WNT2B: variants seen among roughly 807,000 people sequenced by gnomAD.
The protein encoded by WNT2B is Wnt family member 2B, also known as protein Wnt-2b.
In WNT2B, 19 loss-of-function variants were observed where a neutral mutation model predicts 40.5. The ratio of observed to expected loss-of-function variants is 0.47; its 90% CI spans 0.33 to 0.69. WNT2B has a LOEUF of 0.69. Among genes scored for constraint, WNT2B ranks in the 30% least tolerant of loss-of-function variants. The pLI, the probability that WNT2B is intolerant of heterozygous loss-of-function variation, is 0.02. For missense variants in WNT2B, 467 were observed against 556.4 expected, an observed-to-expected ratio of 0.84 and a Z score of 1.62; for synonymous variants, 220 against 211.9, an observed-to-expected ratio of 1.04 and a Z score of -0.33.
At chr1:112,499,337 A>C (rs568039461) in intron 1 of WNT2B, among the ~76,000 whole-genome samples, 18 of 152,316 alleles carry the variant, frequency 1.2e-4, no homozygotes, top group South Asian at 1.0e-3. Context: ...TAATACCAAA[A>C]CCAGACAAAG....
intron 1 of WNT2B, among the ~76,000 whole-genome samples, chr1:112,482,689 A>G (rs1478415805): frequency 6.6e-6 from 1 of 152,208 alleles, no homozygotes; most frequent in African/African-American, 2.4e-5. Context: ...TTAAGGAAAC[A>G]ATCCCATTCC....
chr1:112,485,483 G>A (rs1777606), intron 1 of WNT2B, among the ~76,000 whole-genome samples: 45,194 of 150,460 alleles, frequency 0.3, 7,805 homozygotes, highest in African/African-American at 0.47. Flanking sequence ...AAAAGGTTAT[G>A]GTCATGAAGA....
At chr1:112,472,074 G>C (rs918500529) in intron 1 of WNT2B, among the ~76,000 whole-genome samples, 1 of 152,230 alleles carries the variant, frequency 6.6e-6, no homozygotes, top group Non-Finnish European at 1.5e-5. Context: ...AAAAAACTAA[G>C]CATTAAGCCA....
At chr1:112,512,499 G>T (rs1652391809) in intron 1 of WNT2B, among the ~76,000 whole-genome samples, 1 of 152,244 alleles carries the variant, frequency 6.6e-6, no homozygotes, top group Admixed American at 6.5e-5. Context: ...GTAGCAAGGG[G>T]CTAGAGTAGT....
At chr1:112,479,592 A>G (rs1369311240) in intron 1 of WNT2B, among the ~76,000 whole-genome samples, 1 of 152,114 alleles carries the variant, frequency 6.6e-6, no homozygotes, top group African/African-American at 2.4e-5. Context: ...TTTTTTTTCT[A>G]ATGGATATAC....
intron 1 of WNT2B, among the ~76,000 whole-genome samples, chr1:112,480,234 G>T (rs1001503114): frequency 1.3e-5 from 2 of 151,944 alleles, no homozygotes; most frequent in African/African-American, 4.8e-5. Context: ...AGGCGTGGTG[G>T]CAGGCACTTA....
intron 1 of WNT2B, among the ~76,000 whole-genome samples, chr1:112,469,558 A>C (rs1650808202): frequency 6.6e-6 from 1 of 151,342 alleles, no homozygotes. Flanking sequence ...CTACTTAGTT[A>C]AGTTTATTCC....
chr1:112,514,034 C>T (rs1250156673), intron 1 of WNT2B, among the ~76,000 whole-genome samples: 1 of 152,234 alleles, frequency 6.6e-6, no homozygotes, highest in East Asian at 1.9e-4. Flanking sequence ...AATAATGACT[C>T]TGGCAACCCA....
intron 1 of WNT2B, among the ~76,000 whole-genome samples, chr1:112,495,870 C>T (rs1261857499): frequency 1.3e-5 from 2 of 152,164 alleles, no homozygotes; most frequent in Non-Finnish European, 2.9e-5. Flanking sequence ...GGTTCCTTGT[C>T]TGGTGAGGGC....
chr1:112,510,047 A>G (rs942972726), intron 1 of WNT2B, among the ~76,000 whole-genome samples: 6 of 152,156 alleles, frequency 3.9e-5, no homozygotes, highest in Non-Finnish European at 8.8e-5. Flanking sequence ...GATGTCACTT[A>G]GGAAACTTTG....
rs1652478319 is a variant in WNT2B, at chr1:112,515,058, C to T, written c.367C>T (p.Arg123Trp). Residue 123 changes from arginine (R) to tryptophan (W), a missense_variant, in exon 2 of 5, where the codon CGG (arginine) becomes TGG (tryptophan). This residue lies in a region of WNT2B where 330 missense variants were observed against 438.6 expected (regional missense o/e 0.75). Transcript: ENST00000369684. This position sits in a 1 kb window ranked among gnomAD's most constrained non-coding sequence, Gnocchi z 4.4. ...HHRWNCTTLD[R>W]DHTVFGRVML... ...CCGCTGGAACTGTACCACCCTGGAC[C>T]GGGACCACACCGTCTTTGGCCGTGT... The T allele has an allele frequency of 5.0e-6, 8 of 1,614,182 alleles. No individual in the cohort carries two copies. Among genetic ancestry groups the T allele is most frequent in the East Asian group, 2.2e-5 (1 of 44,876 alleles).
intron 1 of WNT2B, among the ~76,000 whole-genome samples, chr1:112,470,513 A>G (rs1317327949): frequency 6.6e-6 from 1 of 152,160 alleles, no homozygotes; most frequent in Non-Finnish European, 1.5e-5. Flanking sequence ...ACTTGAGCCC[A>G]GGAGGCAGAC....
At chr1:112,482,867 A>C (rs915651077) in intron 1 of WNT2B, among the ~76,000 whole-genome samples, 1 of 152,214 alleles carries the variant, frequency 6.6e-6, no homozygotes, top group Non-Finnish European at 1.5e-5. Context: ...ATACTACCCA[A>C]AGTGATCTAC....
rs757477107 is a variant in WNT2B, at chr1:112,516,416, C to T, written c.680C>T (p.Thr227Met). 21 of 1,609,962 alleles carry T rather than the reference C, an allele frequency of 1.3e-5. No homozygotes were observed. Among genetic ancestry groups the T allele is most frequent in the Non-Finnish European group, 1.6e-5 (19 of 1,178,390 alleles). Residue 227 changes from threonine (T) to methionine (M), a missense_variant and splice_region_variant, in exon 3 of 5, where the codon ACG becomes ATG. Thr to Met is a moderately conservative substitution (Grantham distance 81). This residue lies in a region of WNT2B where 330 missense variants were observed against 438.6 expected (regional missense o/e 0.75). Coordinates refer to ENST00000369684, the MANE Select transcript of WNT2B (RefSeq NM_024494.3). ...TTACATAATAACCGCTGTGGTCGCACGGTCAGTACTCATGTCTGTGTAAGT... is the reference window on the plus strand; with the variant it reads ...TTACATAATAACCGCTGTGGTCGCATGGTCAGTACTCATGTCTGTGTAAGT... ...MNLHNNRCGR[T>M]AVRRFLKLEC...
At chr1:112,510,808 A>G (rs933162058) in intron 1 of WNT2B, among the ~76,000 whole-genome samples, 2 of 151,998 alleles carry the variant, frequency 1.3e-5, no homozygotes, top group Non-Finnish European at 2.9e-5. Context: ...ATTCTTTTAG[A>G]AAGGGAAAGG....
At chr1:112,479,227 A>G (rs944694908) in intron 1 of WNT2B, among the ~76,000 whole-genome samples, 5 of 151,832 alleles carry the variant, frequency 3.3e-5, no homozygotes, top group African/African-American at 7.3e-5. Context: ...GTCTCAAAAT[A>G]AATAAATAAA....
chr1:112,496,605 G>GTTT (rs71584741), intron 1 of WNT2B, among the ~76,000 whole-genome samples: 1 of 145,528 alleles, frequency 6.9e-6, no homozygotes, highest in Non-Finnish European at 1.5e-5. Context: ...TTTCTTTTTT[G>GTTT]TTTTTTTTTT....
Position 112,517,332 on chromosome 1 carries a change from A to T in WNT2B, c.893A>T (p.Asp298Val). 1 of 1,613,402 alleles carries T rather than the reference A, an allele frequency of 6.2e-7. No individual in the cohort carries two copies. Among genetic ancestry groups the T allele is most frequent in the Non-Finnish European group, 8.5e-7 (1 of 1,179,362 alleles). The change falls in exon 4 of 5, where the codon GAT (aspartate) becomes GTT (valine). Residue 298 changes from aspartate to valine, a missense_variant. Physicochemically the swap from Asp to Val is radical, Grantham distance 152. Coordinates refer to ENST00000369684, the MANE Select transcript of WNT2B (RefSeq NM_024494.3). ...GGCTATCGCCGTGCCACCCGGACTG[A>T]TCTTGTCTACTTTGACAACTCTCCA... is the stretch of plus-strand genomic sequence containing the variant. The part of the protein sequence containing the change: ...RQGYRRATRT[D>V]LVYFDNSPDY...
At chr1:112,471,963 G>A (rs991942272) in intron 1 of WNT2B, among the ~76,000 whole-genome samples, 1 of 152,168 alleles carries the variant, frequency 6.6e-6, no homozygotes, top group Non-Finnish European at 1.5e-5. Context: ...TAATCAAGGA[G>A]TATGAAGTCA....
Sources: allele counts gnomAD v4.1 joint callset (sites outside exome capture counted in the v4.1 genomes callset), GRCh38; gene constraint gnomAD v4.1.1; regional missense constraint gnomAD v4.1.1; non-coding constraint Gnocchi (gnomAD v3.1); transcripts MANE v1.5; gene names NCBI Gene and HGNC (gene_info 2026-07-23, HGNC 2026-07-21).